Variants in THAP12 observed in about 807,000 individuals in gnomAD.
The protein encoded by THAP12 is THAP domain containing 12.
THAP12 carries 20 observed loss-of-function variants against 63.0 expected under a neutral mutation model. The ratio of observed to expected loss-of-function variants is 0.32; its 90% confidence interval spans 0.22 to 0.46. The LOEUF (loss-of-function observed/expected upper bound fraction) is 0.46, where lower values mean the gene tolerates loss of function less well. Among genes scored for constraint, THAP12 ranks in the 20% least tolerant of loss-of-function variants. THAP12 has a pLI of 1.00. For missense variants in THAP12, 568 were observed against 908.2 expected (o/e 0.63, Z 4.81); for synonymous variants, 264 against 328.4 (o/e 0.80, Z 2.12).
rs1590798454 is a variant in THAP12, at chr11:76,352,268, T to C, written c.882A>G (p.Ile294Met). 7 of 1,611,904 alleles carry C rather than the reference T, an allele frequency of 4.3e-6. No homozygotes were observed. The highest frequency in any genetic ancestry group is 5.9e-6 in the Non-Finnish European group (7 of 1,179,808). Residue 294 changes from isoleucine to methionine, a missense_variant, in exon 5 of 5, where the codon ATA (isoleucine) becomes ATG (methionine). Transcript: ENST00000260045. ...DESHNLREEF[I>M]GFLPYEADAE... is the part of the protein sequence containing the mutation. ...CATCGGCTTCATAAGGCAGGAAGCC[T>C]ATAAATTCCTCTCTTAGGTTATGAG...
chr11:76,372,612 C>T (rs1946682407), intron 1 of THAP12, among the ~76,000 whole-genome samples: 1 of 149,554 alleles, frequency 6.7e-6, no homozygotes, highest in Non-Finnish European at 1.5e-5. Flanking sequence ...AAAAAAGGGA[C>T]CGGGCATGGT....
At chr11:76,354,749 G>A (rs76729744) in intron 4 of THAP12, among the ~76,000 whole-genome samples, 4,922 of 152,204 alleles carry the variant, frequency 0.032, 118 homozygotes, top group East Asian at 0.08. Context: ...CCCCTCAGTG[G>A]TTCCCTATTG....
At chr11:76,361,578 C>A (rs1946598087) in intron 2 of THAP12, among the ~76,000 whole-genome samples, 1 of 152,194 alleles carries the variant, frequency 6.6e-6, no homozygotes. Flanking sequence ...CACTAAGACA[C>A]CCTGGCTAAA....
Position 76,350,785 on chromosome 11 carries a change from G to C in THAP12, c.*79C>G. On this transcript the variant is annotated 3_prime_UTR_variant, in exon 5 of 5. Coordinates refer to ENST00000260045, the MANE Select transcript of THAP12 (RefSeq NM_004705.4). ...GGAGTCCTATAGGCAAAGATATTTA[G>C]TGATTAAGTGGTCTACATACACCTT... 1 of 1,402,330 alleles carries C rather than the reference G, an allele frequency of 7.1e-7. No individual in the cohort carries two copies. The highest frequency in any genetic ancestry group is 9.4e-7 in the Non-Finnish European group (1 of 1,069,314). The allele number at this position is 1,402,330 out of a possible 1,614,324, so 86.9% of individuals were successfully genotyped here. A position where few individuals can be genotyped will look rare whatever the true frequency, so the allele number is the denominator to read the frequency against.
intron 1 of THAP12, among the ~76,000 whole-genome samples, chr11:76,375,513 G>C (rs1946703204): frequency 6.6e-6 from 1 of 151,464 alleles, no homozygotes; most frequent in East Asian, 1.9e-4. Context: ...ATTATGGTAT[G>C]TGATTCCACA....
rs148924079 is a variant in THAP12, at chr11:76,352,213, T to C, written c.937A>G (p.Met313Val). ...AEILAVKFHT[M>V]ITEKWGLNME... Reference sequence around the variant, plus strand: ...TTTAATCCCCACTTCTCAGTTATCATAGTGTGAAATTTCACAGCCAAAATT... The same window carrying C: ...TTTAATCCCCACTTCTCAGTTATCACAGTGTGAAATTTCACAGCCAAAATT... The change falls in exon 5 of 5, where the codon ATG (methionine) becomes GTG (valine). Residue 313 changes from methionine to valine, a missense_variant. Met to Val is a conservative substitution (Grantham distance 21). Transcript: ENST00000260045. 3.8e-5 allele frequency: 61 copies of C among 1,611,468 alleles called. No homozygotes were observed. Among genetic ancestry groups the C allele is most frequent in the African/African-American group, 6.7e-5 (5 of 74,830 alleles).
rs1376864199 is a variant in THAP12, at chr11:76,356,389, C to T, written c.319-735G>A. ...GGCTGGTCAACCTGGACATCCCCTC[C>T]TTATCCTACGGACTGCACGTTTATA... On this transcript the variant is annotated intron_variant, in intron 3 of 4. Coordinates refer to ENST00000260045, the MANE Select transcript of THAP12 (RefSeq NM_004705.4). The T allele has an allele frequency of 3.3e-5, 5 of 152,262 alleles. No homozygotes were observed. The East Asian group carries it at 9.6e-4, about 29-fold the overall frequency. 9.4% of individuals were successfully genotyped at this position (152,262 alleles called of 1,614,324 possible).
Position 76,350,851 on chromosome 11 carries a change from T to G in THAP12, c.*13A>C. ...AAATATCAAATATAAGAAAGCCTAT[T>G]TTTAAAAGTCTCTTAGGTATTTTCC... is the stretch of plus-strand genomic sequence containing the variant. On this transcript the variant is annotated 3_prime_UTR_variant, in exon 5 of 5. Coordinates refer to ENST00000260045, the MANE Select transcript of THAP12 (RefSeq NM_004705.4). The G allele has an allele frequency of 6.6e-7, 1 of 1,512,942 alleles. No individual in the cohort carries two copies. The highest frequency in any genetic ancestry group is 1.4e-5 in the African/African-American group (1 of 71,616). 93.7% of individuals were successfully genotyped at this position (1,512,942 alleles called of 1,614,324 possible).
chr11:76,367,613 G>A (rs1406255094), intron 1 of THAP12, among the ~76,000 whole-genome samples: 1 of 151,104 alleles, frequency 6.6e-6, no homozygotes, highest in East Asian at 1.9e-4. Context: ...AGTACAGATG[G>A]GGTTTCAGCA....
intron 1 of THAP12, among the ~76,000 whole-genome samples, chr11:76,374,070 T>C (rs1399918103): frequency 1.3e-5 from 2 of 152,226 alleles, no homozygotes; most frequent in Non-Finnish European, 2.9e-5. Context: ...TCTATTGCTA[T>C]ATGTTGTTTT....
At chr11:76,377,711 T>C (rs1946720997) in intron 1 of THAP12, among the ~76,000 whole-genome samples, 2 of 152,226 alleles carry the variant, frequency 1.3e-5, no homozygotes, top group African/African-American at 4.8e-5. Context: ...TGTGTGTACA[T>C]TTGGTTTTTT....
Position 76,352,084 on chromosome 11 carries a change from A to T in THAP12, c.1066T>A (p.Tyr356Asn), listed in dbSNP as rs748580385. 3 of 1,611,910 alleles carry T rather than the reference A, an allele frequency of 1.9e-6. No homozygotes were observed. The highest frequency in any genetic ancestry group is 2.5e-6 in the Non-Finnish European group (3 of 1,179,846). Residue 356 changes from tyrosine (Y) to asparagine (N), a missense_variant, in exon 5 of 5, where the codon TAC becomes AAC. By Grantham distance (143) the Tyr-to-Asn change is moderately radical (BLOSUM62 -2). Transcript: ENST00000260045. ...AAGGCACAGGAAGAGCAGAGTGTGT[A>T]GATAGCTTGGGGATATTTCTCTAAA... ...RLLEKYPQAI[Y>N]TLCSSCALNM...
chr11:76,372,952 T>C (rs895319902), intron 1 of THAP12, among the ~76,000 whole-genome samples: 1 of 152,160 alleles, frequency 6.6e-6, no homozygotes, highest in South Asian at 2.1e-4. Context: ...CTGTCCTACC[T>C]GCTCTTAAGG....
intron 2 of THAP12, chr11:76,361,389 A>G: frequency 5.3e-6 from 1 of 190,016 alleles, no homozygotes; most frequent in South Asian, 1.3e-4. Flanking sequence ...CCAAATCTAC[A>G]GGAGGTACAA....
chr11:76,375,566 C>T (rs751958633), intron 1 of THAP12, among the ~76,000 whole-genome samples: 2 of 152,010 alleles, frequency 1.3e-5, no homozygotes, highest in African/African-American at 2.4e-5. Context: ...TAAATTATTT[C>T]TAAATAGCTG....
At chr11:76,352,929 C>G (rs901105686) in intron 4 of THAP12, 135 bp from the exon 5 acceptor site, 3 of 984,150 alleles carry the variant, frequency 3.0e-6, no homozygotes, top group Admixed American at 7.1e-5. Flanking sequence ...TACTAGACCA[C>G]AGACTAGGAC....
Position 76,380,778 on chromosome 11 carries a change from GC to G in THAP12, c.58del (p.Ala20ProfsTer24). 1 of 1,468,450 alleles carries G rather than the reference GC, an allele frequency of 6.8e-7. No homozygotes were observed. The highest frequency in any genetic ancestry group is 9.1e-7 in the Non-Finnish European group (1 of 1,104,792). The allele number at this position is 1,468,450 out of a possible 1,614,324, so 91.0% of individuals were successfully genotyped here. A position where few individuals can be genotyped will look rare whatever the true frequency, so the allele number is the denominator to read the frequency against. ...AGGGTCCCGCGGGAACCTGAAGAAG[GC>G]CAAGTCGGACTGCGTGCTCTTCCGC... ...CTRKSTQSDL[A>X]FFRFPRDPAR... is the part of the protein sequence containing the mutation. On this transcript the variant is annotated frameshift_variant, in exon 1 of 5. Transcript: ENST00000260045. LOFTEE classifies it high-confidence loss of function.
At chr11:76,370,991 G>A (rs967569075) in intron 1 of THAP12, among the ~76,000 whole-genome samples, 5 of 151,830 alleles carry the variant, frequency 3.3e-5, no homozygotes, top group Admixed American at 2.6e-4. Context: ...AGCTCTCCCT[G>A]TCATTGTTCT....
intron 2 of THAP12, among the ~76,000 whole-genome samples, chr11:76,365,203 G>A (rs1465593254): frequency 6.6e-6 from 1 of 151,620 alleles, no homozygotes; most frequent in Non-Finnish European, 1.5e-5. Flanking sequence ...AATCGCTTGA[G>A]CCCAGGAGGT....
Sources: gnomAD v4.1 joint callset for allele counts (sites outside exome capture counted in the v4.1 genomes callset) on GRCh38, gnomAD v4.1.1 for gene constraint, MANE v1.5 for transcripts, NCBI Gene and HGNC (gene_info 2026-07-23, HGNC 2026-07-21) for gene names.